Variants in COL5A1 observed in about 807,000 individuals in gnomAD.
COL5A1 encodes the protein collagen alpha-1(V) chain.
Under a neutral mutation model 263.7 loss-of-function variants are expected in COL5A1, and 16 were observed. That is an observed-to-expected ratio of 0.06 (90% confidence interval 0.04 to 0.09). The LOEUF (loss-of-function observed/expected upper bound fraction) is 0.09, where lower values mean the gene tolerates loss of function less well. Among genes scored for constraint, COL5A1 ranks in the 10% least tolerant of loss-of-function variants. The pLI is 1.00. For synonymous variants in COL5A1, 1,012 were observed against 1,004.5 expected (o/e 1.01, Z -0.14); for missense variants, 2,036 against 2,540.5 (o/e 0.80, Z 4.27).
At chr9:134,796,531 T>C in intron 35 of COL5A1, 113 bp downstream of exon 35, 1 of 1,129,004 alleles carries the variant, frequency 8.9e-7, no homozygotes, top group East Asian at 2.4e-5. Context: ...CAGACCCTGC[T>C]GAAGGGTAGG....
At chr9:134,777,442 C>T (rs369397538) in intron 27 of COL5A1, among the ~76,000 whole-genome samples, 5 of 152,338 alleles carry the variant, frequency 3.3e-5, no homozygotes, top group African/African-American at 9.6e-5. Context: ...CACCCCACCA[C>T]GGACACAGCA....
chr9:134,820,127 C>A lies in COL5A1; in HGVS notation c.4458C>A (p.Gly1486=). ...SGPKGEKGHP[G]LIGLIGPPGE... is the part of the protein sequence containing the mutation. The stretch of plus-strand genomic sequence containing the variant: ...TCATTTTCCCACAGGGTCATCCAGG[C>A]CTGATCGGGCTCATCGGTCCTCCGG... Residue 1486 remains glycine (G), a synonymous_variant, in exon 58 of 66, where the codon GGC becomes GGA. Transcript: ENST00000371817. The A allele has an allele frequency of 6.2e-7, 1 of 1,613,914 alleles. No individual in the cohort carries two copies. Among genetic ancestry groups the A allele is most frequent in the South Asian group, 1.1e-5 (1 of 91,076 alleles).
At chr9:134,725,937 G>A (rs1015656257) in intron 4 of COL5A1, among the ~76,000 whole-genome samples, 3 of 152,200 alleles carry the variant, frequency 2.0e-5, no homozygotes, top group Non-Finnish European at 4.4e-5. Context: ...ATTTGTTTGA[G>A]TCCCTGTTTT....
intron 27 of COL5A1, 33 bp from the exon 28 acceptor site, chr9:134,780,069 C>G: frequency 6.2e-7 from 1 of 1,612,874 alleles, no homozygotes; most frequent in Non-Finnish European, 8.5e-7. Context: ...GACTTGTAAC[C>G]ATTCACTCCT....
intron 4 of COL5A1, among the ~76,000 whole-genome samples, chr9:134,723,967 C>G (rs897374618): frequency 1.3e-5 from 2 of 152,160 alleles, no homozygotes; most frequent in African/African-American, 4.8e-5. Context: ...ATACCCCACT[C>G]TCTTCCCCTT....
At chr9:134,763,824 C>T (rs1836555597) in intron 20 of COL5A1, 87 bp downstream of exon 20, 1 of 1,328,202 alleles carries the variant, frequency 7.5e-7, no homozygotes, top group Non-Finnish European at 1.1e-6. Flanking sequence ...GATCTGGGAT[C>T]AGCCAGGAGC....
intron 18 of COL5A1, among the ~76,000 whole-genome samples, chr9:134,760,082 GCATACACGCCCACACACCCCCACACT>G (rs1240816404): frequency 4.4e-4 from 21 of 47,640 alleles, no homozygotes; most frequent in Admixed American, 6.4e-4. Flanking sequence ...ATGCACACAC[GCATACACGCCCACACACCCCCACACT>G]CATACACGCC....
chr9:134,695,340 A>C (rs919670699), intron 2 of COL5A1, among the ~76,000 whole-genome samples: 3 of 152,130 alleles, frequency 2.0e-5, no homozygotes, highest in African/African-American at 7.2e-5. Context: ...CCTTAGGCAG[A>C]ATGTCCTGCT....
At chr9:134,732,652 AAC>A in intron 9 of COL5A1, 1 of 207,254 alleles carries the variant, frequency 4.8e-6, no homozygotes, top group East Asian at 1.1e-4. Flanking sequence ...AATGAAATAA[AAC>A]AGCACTGTGC....
chr9:134,811,733 C>T, intron 46 of COL5A1, 134 bp downstream of exon 46: 1 of 757,916 alleles, frequency 1.3e-6, no homozygotes, highest in Admixed American at 2.1e-5. Context: ...TGGGCCTCCT[C>T]ATTCCAACTG....
chr9:134,822,933 A>G (rs1219210363), intron 59 of COL5A1, 65 bp from the exon 60 acceptor site: 24 of 1,593,686 alleles, frequency 1.5e-5, no homozygotes, highest in Non-Finnish European at 1.7e-5. Context: ...TGGGCAGGAC[A>G]TGGAGCACGG....
intron 12 of COL5A1, 33 bp from the exon 13 acceptor site, chr9:134,750,757 G>A (rs773461339): frequency 2.5e-6 from 4 of 1,610,300 alleles, no homozygotes; most frequent in Non-Finnish European, 3.4e-6. Context: ...CCACGTCACT[G>A]CTCCCAGAGT....
Position 134,830,121 on chromosome 9 carries a change from G to A in COL5A1, c.5136+77G>A, listed in dbSNP as rs377732839. On this transcript the variant is annotated intron_variant, in intron 64 of 65. Coordinates refer to ENST00000371817, the MANE Select transcript of COL5A1 (RefSeq NM_000093.5). ...CGTATCTTACAGAGTAAAATGGCCC[G>A]CTGGCCCAAAGAGCAGCCTTCCACC... 76 of 1,612,618 alleles carry A rather than the reference G, an allele frequency of 4.7e-5. 1 individual carries two copies. The highest frequency in any genetic ancestry group is 3.3e-4 in the South Asian group (30 of 90,712).
chr9:134,782,572 C>A, intron 28 of COL5A1, 95 bp from the exon 29 acceptor site: 1 of 1,183,982 alleles, frequency 8.4e-7, no homozygotes, highest in Non-Finnish European at 1.3e-6. Flanking sequence ...CGTGGGGGAC[C>A]TGGTGCTGAG....
intron 31 of COL5A1, among the ~76,000 whole-genome samples, 153 bp downstream of exon 31, chr9:134,786,201 C>T (rs865863372): frequency 2.0e-5 from 3 of 152,124 alleles, no homozygotes; most frequent in Middle Eastern, 3.4e-3. Flanking sequence ...CTGGTGCAGG[C>T]GTGGGGGTTG....
intron 48 of COL5A1, among the ~76,000 whole-genome samples, 161 bp from the exon 49 acceptor site, chr9:134,813,822 A>G (rs554867529): frequency 1.3e-5 from 2 of 152,304 alleles, no homozygotes; most frequent in East Asian, 3.9e-4. Context: ...CGCACCTCCA[A>G]TTCTGGGAGT....
rs1330627030 is a variant in COL5A1, at chr9:134,681,971, C to G, written c.110-8941C>G. On this transcript the variant is annotated intron_variant, in intron 1 of 65. Coordinates refer to ENST00000371817, the MANE Select transcript of COL5A1 (RefSeq NM_000093.5). The surrounding 1 kb of genome is among the most constrained non-coding windows in gnomAD (Gnocchi z 4.3). ...CCCATCTCTCCCTCCCTCTCTCTCT[C>G]TCTTGCTCTCTGTCTGTCCCCACAG... is the stretch of plus-strand genomic sequence containing the variant. Among the ~76,000 whole-genome samples, 1 of 152,118 alleles carries G rather than the reference C, an allele frequency of 6.6e-6. No homozygotes were observed. The highest frequency in any genetic ancestry group is 1.9e-4 in the East Asian group (1 of 5,180).
chr9:134,799,432 C>T (rs1838032002), intron 37 of COL5A1, among the ~76,000 whole-genome samples: 1 of 152,228 alleles, frequency 6.6e-6, no homozygotes, highest in Non-Finnish European at 1.5e-5. Flanking sequence ...TGCCCACCTA[C>T]TCTGTCCAGC....
chr9:134,781,119 C>A (rs942799288), intron 28 of COL5A1, among the ~76,000 whole-genome samples: 2 of 152,246 alleles, frequency 1.3e-5, no homozygotes, highest in African/African-American at 4.8e-5. Flanking sequence ...TGAAATCTGC[C>A]GGCCTTAAAG....
Sources: allele counts gnomAD v4.1 joint callset (sites outside exome capture counted in the v4.1 genomes callset), GRCh38; gene constraint gnomAD v4.1.1; non-coding constraint Gnocchi (gnomAD v3.1); transcripts MANE v1.5; gene names NCBI Gene and HGNC (gene_info 2026-07-23, HGNC 2026-07-21).